The following CYLD variants were observed in gnomAD, a reference collection of about 807,000 sequenced individuals.
CYLD encodes the protein ubiquitin carboxyl-terminal hydrolase CYLD.
Under a neutral mutation model 104.5 loss-of-function variants are expected in CYLD, and 26 were observed. The observed-to-expected ratio is 0.25, with a 90% CI of 0.18 to 0.35. The LOEUF is 0.35. Among genes scored for constraint, CYLD ranks in the 10% least tolerant of loss-of-function variants. The probability of loss-of-function intolerance (pLI) is 1.00; values close to 1 mark genes in which losing one functional copy is unlikely to be tolerated. For missense variants in CYLD, 703 were observed against 1,136.1 expected (o/e 0.62, Z 5.48); for synonymous variants, 385 against 399.9 (o/e 0.96, Z 0.45).
At chr16:50,764,681 GCCC>G (rs1968301829) in intron 5 of CYLD, among the ~76,000 whole-genome samples, 1 of 152,058 alleles carries the variant, frequency 6.6e-6, no homozygotes, top group African/African-American at 2.4e-5. Context: ...TTAGGTCTAA[GCCC>G]GTAGTTCTCA....
At position 50,767,876 on chromosome 16, in the gene CYLD, G is replaced by GA. The variant is rs916447528; in HGVS notation, c.914-7283dup. On this transcript the variant is annotated intron_variant, in intron 5 of 18. Coordinates refer to ENST00000427738, the MANE Select transcript of CYLD (RefSeq NM_001378743.1). ...AGTAGCACTTAAAAAGCAAAGCAAA[G>GA]AAAAAAACCACCCTTTCTATTTTTC... 5.9e-5 allele frequency among the ~76,000 whole-genome samples: 9 copies of GA among 152,124 alleles called. 1 individual carries two copies. Among genetic ancestry groups the GA allele is most frequent in the African/African-American group, 2.2e-4 (9 of 41,514 alleles).
At chr16:50,746,976 A>C (rs1034271922) in intron 2 of CYLD, among the ~76,000 whole-genome samples, 2 of 152,162 alleles carry the variant, frequency 1.3e-5, no homozygotes, top group East Asian at 3.8e-4. Context: ...TAATATTTGA[A>C]GACATTGTTC....
chr16:50,769,492 A>AAT (rs1236129471), intron 5 of CYLD, among the ~76,000 whole-genome samples: 2 of 152,182 alleles, frequency 1.3e-5, no homozygotes, highest in South Asian at 4.1e-4. Flanking sequence ...GTATCTGTGA[A>AAT]AGTCTTTGGC....
rs368638871 is a variant in CYLD, at chr16:50,787,903, T to C, written c.2108+51T>C. 8.7e-4 allele frequency: 895 copies of C among 1,033,320 alleles called. 7 individuals carry two copies. The African/African-American group carries it at 0.013, about 14-fold the overall frequency. The allele number at this position is 1,033,320 out of a possible 1,614,324, so 64.0% of individuals were successfully genotyped here. ...ATTGGAAAAATAGACAATTCTCATT[T>C]CTACTGCCATTATTCAACAGACATG... On this transcript the variant is annotated intron_variant, in intron 14 of 18. Transcript: ENST00000427738.
chr16:50,752,066 A>C (rs552291277), intron 4 of CYLD, among the ~76,000 whole-genome samples, 160 bp downstream of exon 4: 116 of 150,344 alleles, frequency 7.7e-4, no homozygotes, highest in African/African-American at 2.8e-3. Flanking sequence ...TTTACTTGCA[A>C]ATTGAACACT....
chr16:50,786,985 G>A, intron 13 of CYLD, 39 bp downstream of exon 13: 1 of 1,477,192 alleles, frequency 6.8e-7, no homozygotes. Flanking sequence ...AATAACTGAA[G>A]AGCATATTCA....
At position 50,751,867 on chromosome 16, in the gene CYLD, A is replaced by G. The variant is rs1712083421; in HGVS notation, c.768A>G (p.Pro256=). The G allele has an allele frequency of 6.2e-7, 1 of 1,612,598 alleles. No individual in the cohort carries two copies. Among genetic ancestry groups the G allele is most frequent in the African/African-American group, 1.3e-5 (1 of 74,826 alleles). ...SGTVIFCDVL[P]GKESLGYFVG... ...CAGTTATATTCTGTGATGTTTTGCC[A>G]GGAAAAGAAAGCTTAGGATATTTTG... Residue 256 remains proline, a synonymous_variant, in exon 4 of 19, where the codon CCA becomes CCG. Transcript: ENST00000427738.
intron 14 of CYLD, among the ~76,000 whole-genome samples, chr16:50,788,884 A>T (rs1393938545): frequency 1.3e-5 from 2 of 152,160 alleles, no homozygotes; most frequent in Non-Finnish European, 1.5e-5. Flanking sequence ...GATTTTTTTT[A>T]AAAGACTTAT....
intron 5 of CYLD, among the ~76,000 whole-genome samples, chr16:50,755,699 G>A (rs1027708060): frequency 6.6e-6 from 1 of 151,930 alleles, no homozygotes; most frequent in African/African-American, 2.4e-5. Context: ...TCTAAAAGTG[G>A]GCTAATGTCC....
chr16:50,795,716 T>A, intron 18 of CYLD: 1 of 649,102 alleles, frequency 1.5e-6, no homozygotes, highest in South Asian at 1.7e-5. Context: ...CATCTGTAGA[T>A]GTGCCCCCAA....
intron 5 of CYLD, among the ~76,000 whole-genome samples, chr16:50,771,779 A>T (rs1969182064): frequency 6.6e-6 from 1 of 152,146 alleles, no homozygotes; most frequent in Non-Finnish European, 1.5e-5. Flanking sequence ...AAATCTATGG[A>T]TATCTAATTG....
chr16:50,789,388 T>G (rs935129203), intron 14 of CYLD, among the ~76,000 whole-genome samples: 1 of 152,236 alleles, frequency 6.6e-6, no homozygotes, highest in African/African-American at 2.4e-5. Flanking sequence ...TTACCCTTTT[T>G]CTAGCCTACA....
rs1966501555 is a variant in CYLD, at chr16:50,750,127, T to A, written c.429T>A (p.Pro143=). Residue 143 remains proline (P), a synonymous_variant, in exon 3 of 19, where the codon CCT becomes CCA. Coordinates refer to ENST00000427738, the MANE Select transcript of CYLD (RefSeq NM_001378743.1). The part of the protein sequence containing the change: ...VQLRSGEEKF[P]GVVRFRGPLL... ...TGAGATCTGGGGAAGAAAAATTTCC[T>A]GGAGTTGTACGCTTCAGAGGACCCC... is the stretch of plus-strand genomic sequence containing the variant. The A allele has an allele frequency of 1.9e-6, 3 of 1,614,020 alleles. No homozygotes were observed. The highest frequency in any genetic ancestry group is 2.2e-5 in the South Asian group (2 of 91,084).
intron 2 of CYLD, among the ~76,000 whole-genome samples, chr16:50,747,893 T>C (rs1198468477): frequency 2.6e-5 from 4 of 152,216 alleles, no homozygotes; most frequent in Non-Finnish European, 5.9e-5. Context: ...GCCTAACCTG[T>C]ATCCTGTCTT....
rs1966484330 is a variant in CYLD, at chr16:50,749,952, A to G, written c.254A>G (p.Asp85Gly). 4.3e-6 allele frequency: 7 copies of G among 1,614,158 alleles called. No homozygotes were observed. The highest frequency in any genetic ancestry group is 5.9e-6 in the Non-Finnish European group (7 of 1,180,024). ...CAACCTCATGCAGTTCTCTTTGTTGATGAAAAGGATGTTGTAGAGATAAAT... is the reference window on the plus strand; with the variant it reads ...CAACCTCATGCAGTTCTCTTTGTTGGTGAAAAGGATGTTGTAGAGATAAAT... ...LEQPHAVLFV[D>G]EKDVVEINEK... is the part of the protein sequence containing the mutation. Residue 85 changes from aspartate (D) to glycine (G), a missense_variant, in exon 3 of 19, where the codon GAT becomes GGT. By Grantham distance (94) the Asp-to-Gly change is moderately conservative. Coordinates refer to ENST00000427738, the MANE Select transcript of CYLD (RefSeq NM_001378743.1).
intron 5 of CYLD, among the ~76,000 whole-genome samples, chr16:50,761,872 G>A (rs1967981762): frequency 6.6e-6 from 1 of 152,048 alleles, no homozygotes; most frequent in East Asian, 1.9e-4. Flanking sequence ...ATACCCTGTT[G>A]TCTTAGTATC....
chr16:50,796,096 G>A (rs908806168), intron 18 of CYLD, among the ~76,000 whole-genome samples: 4 of 152,138 alleles, frequency 2.6e-5, no homozygotes, highest in African/African-American at 2.4e-5. Context: ...CTCAGAATTC[G>A]TGTCCTTTTA....
At position 50,797,561 on chromosome 16, in the gene CYLD, A is replaced by G; in HGVS notation, c.*1053A>G. 4.3e-6 allele frequency: 1 copy of G among 232,588 alleles called. No homozygotes were observed. Among genetic ancestry groups the G allele is most frequent in the East Asian group, 6.1e-5 (1 of 16,520 alleles). The allele number at this position is 232,588 out of a possible 1,614,324, so 14.4% of individuals were successfully genotyped here. A position where few individuals can be genotyped will look rare whatever the true frequency, so the allele number is the denominator to read the frequency against. On this transcript the variant is annotated 3_prime_UTR_variant, in exon 19 of 19. Coordinates refer to ENST00000427738, the MANE Select transcript of CYLD (RefSeq NM_001378743.1). ...CTCCTTCTGATTAAAGTAAGTAGAA[A>G]TGGGATGTTTTGTTTAATAACAGCC...
At position 50,798,159 on chromosome 16, in the gene CYLD, G is replaced by A. The variant is rs1206094648; in HGVS notation, c.*1651G>A. ...TCCAATCACCCTGTAATAAATATGT[G>A]TTGAATGAAGAAATGGGTGAATGAG... On this transcript the variant is annotated 3_prime_UTR_variant, in exon 19 of 19. Transcript: ENST00000427738. The A allele has an allele frequency of 4.3e-6, 1 of 231,688 alleles. No homozygotes were observed. Among genetic ancestry groups the A allele is most frequent in the Admixed American group, 5.6e-5 (1 of 17,718 alleles). 14.4% of individuals were successfully genotyped at this position (231,688 alleles called of 1,614,324 possible).
Sources: gnomAD v4.1 joint callset for allele counts (sites outside exome capture counted in the v4.1 genomes callset) on GRCh38, gnomAD v4.1.1 for gene constraint, MANE v1.5 for transcripts, NCBI Gene and HGNC (gene_info 2026-07-23, HGNC 2026-07-21) for gene names.